The following NRXN3 variants were observed in gnomAD, a reference collection of about 807,000 sequenced individuals.
The protein encoded by NRXN3 is neurexin III.
Under a neutral mutation model 137.6 loss-of-function variants are expected in NRXN3, and 32 were observed. The observed-to-expected ratio is 0.23, with a 90% confidence interval of 0.18 to 0.31. NRXN3 has a LOEUF of 0.31. Among genes scored for constraint, NRXN3 ranks in the 10% least tolerant of loss-of-function variants. NRXN3 has a pLI of 1.00. For synonymous variants in NRXN3, 798 were observed against 784.5 expected, an observed-to-expected ratio of 1.02 and a Z score of -0.29; for missense variants, 1,574 against 2,062.5, an observed-to-expected ratio of 0.76 and a Z score of 4.59.
intron 10 of NRXN3, among the ~76,000 whole-genome samples, chr14:78,828,795 T>C (rs2098973947): frequency 6.6e-6 from 1 of 152,228 alleles, no homozygotes; most frequent in Non-Finnish European, 1.5e-5. Context: ...ATGGTTTCTC[T>C]CCTTATAAGA....
At chr14:78,434,441 A>G (rs989021307) in intron 4 of NRXN3, among the ~76,000 whole-genome samples, 2 of 152,194 alleles carry the variant, frequency 1.3e-5, no homozygotes, top group African/African-American at 2.4e-5. Flanking sequence ...TGACCCCATC[A>G]TAACTAATTA....
At position 78,651,478 on chromosome 14, in the gene NRXN3, C is replaced by T. The variant is rs563338864; in HGVS notation, c.1221+152C>T. ...CTTGAACTTGGAAGTAGGTGTCCTA[C>T]GTTTTCATTCCCGCTTAAGCTGGTT... On this transcript the variant is annotated intron_variant, in intron 6 of 20. Transcript: ENST00000335750. The T allele has an allele frequency of 1.3e-3, 1,192 of 893,618 alleles. 6 individuals are homozygous for T. The highest frequency in any genetic ancestry group is 1.8e-3 in the Non-Finnish European group (1,092 of 596,170). The allele number at this position is 893,618 out of a possible 1,614,324, so 55.4% of individuals were successfully genotyped here. A position where few individuals can be genotyped will look rare whatever the true frequency, so the allele number is the denominator to read the frequency against.
intron 1 of NRXN3, among the ~76,000 whole-genome samples, chr14:78,225,082 C>T (rs1231724379): frequency 6.6e-6 from 1 of 152,170 alleles, no homozygotes. Flanking sequence ...GTCTTTATAG[C>T]AGCATGATTT....
rs373491178 is a variant in NRXN3, at chr14:78,660,253, T to TTATATATATATA, written c.1221+8939_1221+8950dup. Among the ~76,000 whole-genome samples, 510 of 139,694 alleles carry TTATATATATATA rather than the reference T, an allele frequency of 3.7e-3. 9 individuals carry two copies. Among genetic ancestry groups the TTATATATATATA allele is most frequent in the African/African-American group, 0.013 (460 of 35,540 alleles). 91.6% of individuals were successfully genotyped at this position (139,694 alleles called of 152,430 possible). On this transcript the variant is annotated intron_variant, in intron 6 of 20. Coordinates refer to ENST00000335750, the MANE Select transcript of NRXN3 (RefSeq NM_001330195.2). The stretch of plus-strand genomic sequence containing the variant: ...ATGGGTTGTTGATGAAGAAGTAGAT[T>TTATATATATATA]TATATATATATATATATATATATTT...
At chr14:79,802,610 T>C (rs1165463973) in intron 19 of NRXN3, among the ~76,000 whole-genome samples, 1 of 152,150 alleles carries the variant, frequency 6.6e-6, no homozygotes, top group African/African-American at 2.4e-5. Flanking sequence ...TACTAAACAA[T>C]GATTGTGGTC....
intron 20 of NRXN3, among the ~76,000 whole-genome samples, chr14:79,819,233 G>T (rs550014212): frequency 1.4e-4 from 21 of 152,158 alleles, no homozygotes; most frequent in Admixed American, 1.4e-3. Context: ...AGCAGCCATG[G>T]AAACAAATAA....
chr14:79,552,939 T>C (rs538100307), intron 16 of NRXN3, among the ~76,000 whole-genome samples: 1 of 152,224 alleles, frequency 6.6e-6, no homozygotes, highest in East Asian at 1.9e-4. Flanking sequence ...TAATCTTCTC[T>C]GGTTAGTGTA....
In NRXN3 at chr14:78,714,917, G is replaced by A. The variant is rs972894470; in HGVS notation, c.1822G>A (p.Val608Met). The change falls in exon 8 of 21, where the codon GTG becomes ATG. Residue 608 changes from valine to methionine, a missense_variant. By Grantham distance (21) the Val-to-Met change is conservative. This residue lies in a region of NRXN3 where 718 missense variants were observed against 887.6 expected (regional missense o/e 0.81). Coordinates refer to ENST00000335750, the MANE Select transcript of NRXN3 (RefSeq NM_001330195.2). ...LWTAMLNYGY[V>M]GCIRDLFIDG... Reference sequence around the variant, plus strand: ...GACTGCCATGCTCAACTATGGCTACGTGGGCTGCATCCGCGACCTATTCAT... The same window carrying A: ...GACTGCCATGCTCAACTATGGCTACATGGGCTGCATCCGCGACCTATTCAT... 1 of 1,614,134 alleles carries A rather than the reference G, an allele frequency of 6.2e-7. No homozygotes were observed. The highest frequency in any genetic ancestry group is 8.5e-7 in the Non-Finnish European group (1 of 1,180,020).
intron 19 of NRXN3, among the ~76,000 whole-genome samples, chr14:79,763,576 C>G (rs761428500): frequency 6.6e-6 from 1 of 151,514 alleles, no homozygotes; most frequent in Admixed American, 6.6e-5. Flanking sequence ...ACATTATAAA[C>G]AACAGAAATG....
intron 15 of NRXN3, among the ~76,000 whole-genome samples, chr14:79,287,958 T>G (rs186256863): frequency 1.8e-4 from 28 of 152,218 alleles, no homozygotes; most frequent in African/African-American, 6.7e-4. Flanking sequence ...CAATGAGAGA[T>G]TTGAGTGAGA....
chr14:78,698,064 AT>A (rs1023594121), intron 6 of NRXN3: 2 of 151,704 alleles, frequency 1.3e-5, no homozygotes, highest in Non-Finnish European at 2.9e-5. Flanking sequence ...GTCCACGTGT[AT>A]TTTGTATAAA....
intron 15 of NRXN3, among the ~76,000 whole-genome samples, chr14:79,443,403 T>C (rs899388747): frequency 1.3e-5 from 2 of 152,190 alleles, no homozygotes; most frequent in East Asian, 1.9e-4. Flanking sequence ...TAAATAAGTA[T>C]TTATTGAAGA....
chr14:79,272,357 T>C (rs1266712143), intron 15 of NRXN3, among the ~76,000 whole-genome samples: 1 of 152,034 alleles, frequency 6.6e-6, no homozygotes, highest in Non-Finnish European at 1.5e-5. Flanking sequence ...AATGAATCAA[T>C]GCACCAAAGT....
chr14:79,592,081 A>C (rs2097810371), intron 16 of NRXN3, among the ~76,000 whole-genome samples: 1 of 152,130 alleles, frequency 6.6e-6, no homozygotes, highest in Non-Finnish European at 1.5e-5. Context: ...CCTCATGCCC[A>C]ATTCTCCCCT....
At chr14:78,728,768 C>A (rs1261288378) in intron 8 of NRXN3, among the ~76,000 whole-genome samples, 1 of 152,068 alleles carries the variant, frequency 6.6e-6, no homozygotes, top group Non-Finnish European at 1.5e-5. Context: ...GGCATGGTGG[C>A]AGGTGCCTGT....
At chr14:78,347,643 T>TACAACA (rs2082932360) in intron 4 of NRXN3, among the ~76,000 whole-genome samples, 1 of 152,156 alleles carries the variant, frequency 6.6e-6, no homozygotes, top group African/African-American at 2.4e-5. Flanking sequence ...GACCCTGTTG[T>TACAACA]GCCACAAAAC....
In NRXN3 at chr14:78,650,967, A is replaced by C. The variant is rs1162204996; in HGVS notation, c.1060-198A>C. Among the ~76,000 whole-genome samples, 4 of 152,230 alleles carry C rather than the reference A, an allele frequency of 2.6e-5. No individual in the cohort carries two copies. The East Asian group carries it at 7.7e-4, about 29-fold the overall frequency. ...AAGTCATCCATGAGTCTGCAGGGAA[A>C]TACTGAAGGCTTGAGACCCAGGGAG... On this transcript the variant is annotated intron_variant, in intron 5 of 20. Transcript: ENST00000335750.
chr14:78,286,278 A>T (rs2075168611), intron 3 of NRXN3, among the ~76,000 whole-genome samples: 1 of 152,160 alleles, frequency 6.6e-6, no homozygotes, highest in Admixed American at 6.5e-5. Flanking sequence ...ATGAATGTTA[A>T]ATGTGCTGTG....
At chr14:79,150,580 C>T (rs1290149733) in intron 15 of NRXN3, among the ~76,000 whole-genome samples, 5 of 151,938 alleles carry the variant, frequency 3.3e-5, no homozygotes. Flanking sequence ...ACTTCTCCAC[C>T]TTCCATGCAT....
Sources: allele counts gnomAD v4.1 joint callset (sites outside exome capture counted in the v4.1 genomes callset), GRCh38; gene constraint gnomAD v4.1.1; regional missense constraint gnomAD v4.1.1; transcripts MANE v1.5; gene names NCBI Gene and HGNC (gene_info 2026-07-23, HGNC 2026-07-21).